Variants in LRRC74A observed in about 807,000 individuals in gnomAD.
LRRC74A encodes the protein leucine rich repeat containing 74A.
A neutral mutation model predicts 57.9 loss-of-function variants in LRRC74A; 44 were observed. The ratio of observed to expected loss-of-function variants is 0.76; its 90% CI spans 0.60 to 0.98. The LOEUF (loss-of-function observed/expected upper bound fraction) is 0.98. Ranked by LOEUF, LRRC74A falls within the 50% of genes least tolerant of loss-of-function variation. LRRC74A has a pLI of 0.00. For missense variants in LRRC74A, 572 were observed against 574.0 expected (o/e 1.00, Z 0.04); for synonymous variants, 211 against 219.4 (o/e 0.96, Z 0.34).
intron 7 of LRRC74A, among the ~76,000 whole-genome samples, chr14:76,851,154 T>G (rs2140292821): frequency 6.6e-6 from 1 of 152,318 alleles, no homozygotes; most frequent in South Asian, 2.1e-4. Context: ...CCTCCCCACT[T>G]CCAACTGATT....
chr14:76,852,619 CT>C (rs34074806), intron 8 of LRRC74A, among the ~76,000 whole-genome samples, 169 bp downstream of exon 8: 112 of 129,966 alleles, frequency 8.6e-4, no homozygotes, highest in Middle Eastern at 4.2e-3. Flanking sequence ...CCTGGATGCA[CT>C]TTTTTTTTTT....
chr14:76,845,095 AGAAGGATTGCTTGAGCCCAG>A (rs1897033431), intron 7 of LRRC74A, among the ~76,000 whole-genome samples, 194 bp downstream of exon 7: 1 of 152,234 alleles, frequency 6.6e-6, no homozygotes, highest in Admixed American at 6.5e-5. Flanking sequence ...AGCCTGAGGC[AGAAGGATTGCTTGAGCCCAG>A]GAGTTCAAGA....
chr14:76,844,360 G>C (rs146353538), intron 5 of LRRC74A, 63 bp from the exon 6 acceptor site: 1 of 1,455,268 alleles, frequency 6.9e-7, no homozygotes, highest in African/African-American at 1.4e-5. Flanking sequence ...GAGGGGCAGG[G>C]GGTGGGAGAG....
chr14:76,862,431 G>A (rs1309457707), intron 11 of LRRC74A, among the ~76,000 whole-genome samples: 1 of 47,424 alleles, frequency 2.1e-5, no homozygotes, highest in African/African-American at 7.5e-5. Flanking sequence ...TTGGGAAACT[G>A]AGGCACAAGA....
chr14:76,836,985 A>G (rs889762555), intron 4 of LRRC74A, among the ~76,000 whole-genome samples: 2 of 151,838 alleles, frequency 1.3e-5, no homozygotes, highest in African/African-American at 4.8e-5. Flanking sequence ...TACTAAAAAT[A>G]TAAAAACTTA....
At chr14:76,826,883 G>T (rs1454344435) in intron 1 of LRRC74A, 149 bp downstream of exon 1, 2 of 475,016 alleles carry the variant, frequency 4.2e-6, no homozygotes, top group Non-Finnish European at 7.7e-6. Context: ...TTGGGTTCAG[G>T]CCTTGGCAAA....
At position 76,870,108 on chromosome 14, in the gene LRRC74A, C is replaced by T. The variant is rs1217384791; in HGVS notation, c.1392-17C>T. 2 of 1,610,258 alleles carry T rather than the reference C, an allele frequency of 1.2e-6. No homozygotes were observed. Among genetic ancestry groups the T allele is most frequent in the Non-Finnish European group, 1.7e-6 (2 of 1,178,330 alleles). On this transcript the variant is annotated splice_polypyrimidine_tract_variant and intron_variant, in intron 13 of 13. Transcript: ENST00000689127. ...CTGTACGGGTGCTCAGCATCTTTCCCTTACCTTTCGTACCAGTTTCTTGAA... is the reference window on the plus strand; with the variant it reads ...CTGTACGGGTGCTCAGCATCTTTCCTTTACCTTTCGTACCAGTTTCTTGAA...
chr14:76,852,530 T>A, intron 8 of LRRC74A, 80 bp downstream of exon 8: 1 of 1,066,570 alleles, frequency 9.4e-7, no homozygotes, highest in Non-Finnish European at 1.4e-6. Context: ...CTAAGCCTCT[T>A]CCTCATGGTC....
rs573631480 is a variant in LRRC74A, at chr14:76,826,491, A to C, written c.-207A>C. 1.3e-4 allele frequency: 204 copies of C among 1,568,574 alleles called. No individual in the cohort carries two copies. In the East Asian group the frequency reaches 3.2e-3, roughly 24 times the overall value. The stretch of plus-strand genomic sequence containing the variant: ...CCTCTCCCAGACAGAGTTGGGGTCA[A>C]ATTCATGCACATCCAATTCCCATCA... On this transcript the variant is annotated 5_prime_UTR_variant, in exon 1 of 14. Transcript: ENST00000689127.
intron 12 of LRRC74A, among the ~76,000 whole-genome samples, chr14:76,866,645 G>A (rs1166488021): frequency 2.0e-5 from 3 of 152,038 alleles, no homozygotes; most frequent in Non-Finnish European, 1.5e-5. Context: ...CAGGCCGGGG[G>A]TGAAGAGGCT....
intron 7 of LRRC74A, among the ~76,000 whole-genome samples, chr14:76,845,403 C>A (rs574084745): frequency 6.6e-6 from 1 of 151,984 alleles, no homozygotes; most frequent in South Asian, 2.1e-4. Context: ...GCAGCAAACA[C>A]CTGGACATGG....
At chr14:76,853,433 GTGT>G in intron 9 of LRRC74A, 23 bp downstream of exon 9, 1 of 875,668 alleles carries the variant, frequency 1.1e-6, no homozygotes, top group Non-Finnish European at 1.6e-6. Context: ...TGGAAAGGGT[GTGT>G]GTGTGTGTGT....
intron 9 of LRRC74A, among the ~76,000 whole-genome samples, chr14:76,854,651 T>A (rs1377360802): frequency 6.6e-6 from 1 of 152,150 alleles, no homozygotes; most frequent in South Asian, 2.1e-4. Context: ...AAACTCCTCA[T>A]ACCTAGTCCC....
At chr14:76,839,103 G>A (rs1896571982) in intron 5 of LRRC74A, among the ~76,000 whole-genome samples, 1 of 152,212 alleles carries the variant, frequency 6.6e-6, no homozygotes, top group African/African-American at 2.4e-5. Flanking sequence ...GGAGAAAGGA[G>A]ATTAAAGTCA....
chr14:76,856,704 GTGGATGGA>G (rs1018461285), intron 9 of LRRC74A, among the ~76,000 whole-genome samples: 1 of 147,328 alleles, frequency 6.8e-6, no homozygotes, highest in East Asian at 2.1e-4. Context: ...GGATAAGTGA[GTGGATGGA>G]TGGATGGATG....
intron 7 of LRRC74A, among the ~76,000 whole-genome samples, chr14:76,846,564 C>T (rs1897126907): frequency 6.6e-6 from 1 of 152,204 alleles, no homozygotes; most frequent in South Asian, 2.1e-4. Context: ...GGAGTCTAGG[C>T]AAGACAGGAA....
At chr14:76,856,141 T>A (rs1004869405) in intron 9 of LRRC74A, among the ~76,000 whole-genome samples, 6 of 152,312 alleles carry the variant, frequency 3.9e-5, no homozygotes, top group Admixed American at 3.3e-4. Flanking sequence ...CTCACAAACA[T>A]CTCTTGCTGT....
chr14:76,835,806 C>T (rs1347128044), intron 3 of LRRC74A, among the ~76,000 whole-genome samples: 1 of 152,190 alleles, frequency 6.6e-6, no homozygotes, highest in Non-Finnish European at 1.5e-5. Flanking sequence ...CTGAAGAAAG[C>T]AAAATCAATG....
At chr14:76,850,125 G>A (rs530638118) in intron 7 of LRRC74A, among the ~76,000 whole-genome samples, 2 of 151,428 alleles carry the variant, frequency 1.3e-5, no homozygotes, top group Non-Finnish European at 2.9e-5. Flanking sequence ...GGATAATGGC[G>A]TGAACCTGGA....
Sources: allele counts gnomAD v4.1 joint callset (sites outside exome capture counted in the v4.1 genomes callset), GRCh38; gene constraint gnomAD v4.1.1; transcripts MANE v1.5; gene names NCBI Gene and HGNC (gene_info 2026-07-23, HGNC 2026-07-21).